SCML4: variants seen among roughly 807,000 people sequenced by gnomAD.
The protein encoded by SCML4 is sex comb on midleg-like protein 4.
In SCML4, 34 loss-of-function variants were observed where a neutral mutation model predicts 41.1. The ratio of observed to expected loss-of-function variants is 0.83; its 90% CI spans 0.63 to 1.10. The LOEUF (loss-of-function observed/expected upper bound fraction) is 1.10, where lower values mean the gene tolerates loss of function less well. Ranked by LOEUF, SCML4 falls within the 50% of genes least tolerant of loss-of-function variation. The probability of loss-of-function intolerance (pLI) is 0.00; values close to 1 mark genes in which losing one functional copy is unlikely to be tolerated. For synonymous variants in SCML4, 214 were observed against 220.9 expected, an observed-to-expected ratio of 0.97 and a Z score of 0.28; for missense variants, 522 against 534.1, an observed-to-expected ratio of 0.98 and a Z score of 0.22.
chr6:107,744,899 C>A (rs755744849), intron 5 of SCML4, 50 bp downstream of exon 5: 1 of 1,462,388 alleles, frequency 6.8e-7, no homozygotes, highest in Non-Finnish European at 9.3e-7. Flanking sequence ...GCAGAGACAC[C>A]TGGGACAGGG....
At chr6:107,805,282 C>T (rs1783641179) in intron 1 of SCML4, among the ~76,000 whole-genome samples, 2 of 152,200 alleles carry the variant, frequency 1.3e-5, no homozygotes, top group Non-Finnish European at 2.9e-5. Flanking sequence ...CCCTCTACTA[C>T]ACCATCAGCT....
chr6:107,748,737 C>T (rs1476616558), intron 3 of SCML4, among the ~76,000 whole-genome samples: 1 of 152,220 alleles, frequency 6.6e-6, no homozygotes, highest in Non-Finnish European at 1.5e-5. Context: ...CAGATCATCC[C>T]ATGAGCTGAT....
At chr6:107,802,887 TCG>T (rs1336954948) in intron 1 of SCML4, among the ~76,000 whole-genome samples, 2 of 150,520 alleles carry the variant, frequency 1.3e-5, no homozygotes, top group South Asian at 2.1e-4. Context: ...GCGATTGCAG[TCG>T]CGCGCCGCCA....
the SCML4 span, among the ~76,000 whole-genome samples, chr6:107,842,667 T>C: frequency 6.6e-6 from 1 of 152,226 alleles, no homozygotes; most frequent in Non-Finnish European, 1.5e-5. Flanking sequence ...GTCCTGGGAT[T>C]ACAGGCATGA....
intron 1 of SCML4, among the ~76,000 whole-genome samples, chr6:107,805,961 A>T (rs1237405698): frequency 1.3e-5 from 2 of 152,226 alleles, no homozygotes; most frequent in Non-Finnish European, 2.9e-5. Flanking sequence ...CACGGTTATG[A>T]GTTCTTAAGC....
intron 7 of SCML4, among the ~76,000 whole-genome samples, chr6:107,705,612 T>A (rs1159334986): frequency 6.6e-6 from 1 of 152,176 alleles, no homozygotes; most frequent in Non-Finnish European, 1.5e-5. Context: ...GTGTTCCCAA[T>A]ATCCCACTTA....
chr6:107,774,583 C>T (rs1780770361), intron 1 of SCML4, among the ~76,000 whole-genome samples: 1 of 152,190 alleles, frequency 6.6e-6, no homozygotes, highest in African/African-American at 2.4e-5. Flanking sequence ...GTTTCTGCTT[C>T]TTCCTTATTA....
chr6:107,781,013 T>C (rs1174057341), intron 1 of SCML4, among the ~76,000 whole-genome samples: 1 of 152,140 alleles, frequency 6.6e-6, no homozygotes, highest in East Asian at 1.9e-4. Context: ...ACTATGGTTG[T>C]AGTTGTTTTA....
intron 1 of SCML4, among the ~76,000 whole-genome samples, chr6:107,804,082 AG>A (rs1211741064): frequency 5.7e-4 from 78 of 137,392 alleles, no homozygotes; most frequent in African/African-American, 1.9e-3. Flanking sequence ...AAAAAAAAAA[AG>A]AGCATTGGCT....
Position 107,704,842 on chromosome 6 carries a change from G to A in SCML4, c.*358C>T, listed in dbSNP as rs1442627367. On this transcript the variant is annotated 3_prime_UTR_variant, in exon 8 of 8. Transcript: ENST00000369020. ...CCCTGCAGAGACCGCAGGGACAAAG[G>A]TCCTTCTTTCATCCTTTGAACCCTC... 3.1e-6 allele frequency: 1 copy of A among 322,282 alleles called. No homozygotes were observed. The highest frequency in any genetic ancestry group is 2.2e-5 in the African/African-American group (1 of 44,630). 20.0% of individuals were successfully genotyped at this position (322,282 alleles called of 1,614,324 possible). A position where few individuals can be genotyped will look rare whatever the true frequency, so the allele number is the denominator to read the frequency against.
chr6:107,727,261 G>A (rs1228360785), intron 5 of SCML4, among the ~76,000 whole-genome samples: 1 of 152,162 alleles, frequency 6.6e-6, no homozygotes, highest in African/African-American at 2.4e-5. Flanking sequence ...GTTGGGGTGT[G>A]GGGTGGGTAA....
chr6:107,769,444 A>G (rs948985279), intron 2 of SCML4, among the ~76,000 whole-genome samples: 1 of 152,198 alleles, frequency 6.6e-6, no homozygotes, highest in African/African-American at 2.4e-5. Context: ...CAGGTCTTGG[A>G]CCAGAGAGAG....
chr6:107,825,683 G>C (rs1336618144), upstream of SCML4, among the ~76,000 whole-genome samples: 1 of 152,194 alleles, frequency 6.6e-6, no homozygotes, highest in East Asian at 1.9e-4. Context: ...GCTCATGCCT[G>C]TAATCCCAGC....
chr6:107,796,664 C>A (rs1038416304), intron 1 of SCML4, among the ~76,000 whole-genome samples: 3 of 152,070 alleles, frequency 2.0e-5, no homozygotes, highest in African/African-American at 7.2e-5. Context: ...AGATAGCAAC[C>A]TTTTGTTTTA....
intron 2 of SCML4, among the ~76,000 whole-genome samples, chr6:107,765,019 A>G (rs1430488698): frequency 6.6e-6 from 1 of 152,220 alleles, no homozygotes. Context: ...AGTTTCAGGT[A>G]TCTCTTTATC....
At chr6:107,716,525 A>C (rs547442785) in intron 6 of SCML4, among the ~76,000 whole-genome samples, 21 of 152,316 alleles carry the variant, frequency 1.4e-4, no homozygotes, top group African/African-American at 4.8e-4. Flanking sequence ...AGTCTGATAC[A>C]GGCCTCAAGC....
chr6:107,833,006 A>T, the SCML4 span, among the ~76,000 whole-genome samples: 1 of 152,182 alleles, frequency 6.6e-6, no homozygotes, highest in Non-Finnish European at 1.5e-5. Flanking sequence ...AAGATTATGA[A>T]AGTGAGTCTA....
intron 1 of SCML4, among the ~76,000 whole-genome samples, chr6:107,790,010 C>T (rs977836326): frequency 6.6e-6 from 1 of 152,164 alleles, no homozygotes; most frequent in South Asian, 2.1e-4. Context: ...GATGACAGCT[C>T]AGGAAGGCTC....
At chr6:107,757,317 C>T (rs1024179622) in intron 2 of SCML4, among the ~76,000 whole-genome samples, 3 of 152,110 alleles carry the variant, frequency 2.0e-5, no homozygotes, top group Non-Finnish European at 4.4e-5. Flanking sequence ...GGGAGAGGAT[C>T]GGTTGATATA....
Sources: gnomAD v4.1 joint callset for allele counts (sites outside exome capture counted in the v4.1 genomes callset) on GRCh38, gnomAD v4.1.1 for gene constraint, MANE v1.5 for transcripts, NCBI Gene and HGNC (gene_info 2026-07-23, HGNC 2026-07-21) for gene names.